The following ZNF385D variants were observed in gnomAD, a reference collection of about 807,000 sequenced individuals.
The protein encoded by ZNF385D is zinc finger protein 659.
In ZNF385D, 15 loss-of-function variants were observed where a neutral mutation model predicts 35.8. That is an observed-to-expected ratio of 0.42 (90% CI 0.28 to 0.64). The LOEUF is 0.64. Ranked by LOEUF, ZNF385D falls within the 30% of genes least tolerant of loss-of-function variation. The pLI is 0.23. For synonymous variants in ZNF385D, 212 were observed against 186.8 expected (o/e 1.13, Z -1.10); for missense variants, 474 against 494.6 (o/e 0.96, Z 0.39).
In ZNF385D at chr3:21,490,922, C is replaced by A. The variant is rs943477931; in HGVS notation, c.439+19939G>T. Among the ~76,000 whole-genome samples the A allele has an allele frequency of 2.5e-5, 3 of 122,120 alleles. No homozygotes were observed. In the Admixed American group the frequency reaches 2.8e-4, roughly 12 times the overall value. The allele number at this position is 122,120 out of a possible 152,430, so 80.1% of individuals were successfully genotyped here. A position where few individuals can be genotyped will look rare whatever the true frequency, so the allele number is the denominator to read the frequency against. On this transcript the variant is annotated intron_variant, in intron 4 of 7. Transcript: ENST00000281523. The stretch of plus-strand genomic sequence containing the variant: ...GCATCACTTCCACTCAGCTGGTCAT[C>A]GGCTGAATTTGTGACTCTCTAGATA...
rs115911369 is a variant in ZNF385D, at chr3:22,196,777, T to C, written c.107-27742A>G. On this transcript the variant is annotated intron_variant, in intron 2 of 5. Coordinates refer to the ZNF385D transcript ENST00000494108. ...TTGTCATTTTAAAGTTATTATTTTTTAGTTTTACTACACATTCACCATTTT... is the reference window on the plus strand; with the variant it reads ...TTGTCATTTTAAAGTTATTATTTTTCAGTTTTACTACACATTCACCATTTT... Among the ~76,000 whole-genome samples, 729 of 152,186 alleles carry C rather than the reference T, an allele frequency of 4.8e-3. 6 individuals carry two copies. Among genetic ancestry groups the C allele is most frequent in the African/African-American group, 0.016 (684 of 41,578 alleles).
At chr3:22,078,736 T>G (rs910197055) in intron 3 of ZNF385D, among the ~76,000 whole-genome samples, 1 of 152,114 alleles carries the variant, frequency 6.6e-6, no homozygotes, top group Non-Finnish European at 1.5e-5. Flanking sequence ...TATTGGCAAG[T>G]TGCAGAAGTA....
chr3:21,642,350 T>G (rs1296817772), intron 2 of ZNF385D, among the ~76,000 whole-genome samples: 1 of 152,032 alleles, frequency 6.6e-6, no homozygotes, highest in Non-Finnish European at 1.5e-5. Flanking sequence ...ACTCTTTGTG[T>G]GTCCAAGTCC....
chr3:22,247,664 C>G (rs1699858491), intron 2 of ZNF385D, among the ~76,000 whole-genome samples: 1 of 145,942 alleles, frequency 6.9e-6, no homozygotes, highest in African/African-American at 2.8e-5. Flanking sequence ...GTCTCTCTCT[C>G]TGTCACCCAG....
At chr3:21,457,497 A>T (rs769495097) in intron 4 of ZNF385D, among the ~76,000 whole-genome samples, 7 of 152,034 alleles carry the variant, frequency 4.6e-5, no homozygotes, top group Non-Finnish European at 8.8e-5. Flanking sequence ...CTGGGACTAC[A>T]GGGGCATGCC....
intron 1 of ZNF385D, among the ~76,000 whole-genome samples, chr3:21,704,144 T>C (rs6787257): frequency 0.41 from 62,391 of 152,082 alleles, 14,069 homozygotes; most frequent in Middle Eastern, 0.54. Context: ...TCTAGGGTTT[T>C]TGCTCCCATG....
intron 3 of ZNF385D, among the ~76,000 whole-genome samples, chr3:21,891,848 C>T (rs13315161): frequency 0.017 from 2,616 of 152,228 alleles, 78 homozygotes; most frequent in African/African-American, 0.058. Flanking sequence ...CTAATTCCCC[C>T]AATTCAATAA....
intron 3 of ZNF385D, among the ~76,000 whole-genome samples, chr3:21,997,862 C>CGTGT (rs762328963): frequency 2.2e-4 from 25 of 112,560 alleles, no homozygotes; most frequent in African/African-American, 7.1e-4. Flanking sequence ...ATTTGGCGCG[C>CGTGT]GCGCGCGCGC....
chr3:22,343,716 A>G lies in ZNF385D; in HGVS notation c.106+28734T>C, dbSNP rs181156353. Among the ~76,000 whole-genome samples, 434 of 152,352 alleles carry G rather than the reference A, an allele frequency of 2.8e-3. 3 individuals carry two copies. The highest frequency in any genetic ancestry group is 4.8e-3 in the Non-Finnish European group (325 of 68,026). ...AATTTCCATCCTGATTAAGCCTACTAAAGTCAGTTTTTAATGCTTGCATCT... is the reference window on the plus strand; with the variant it reads ...AATTTCCATCCTGATTAAGCCTACTGAAGTCAGTTTTTAATGCTTGCATCT... On this transcript the variant is annotated intron_variant, in intron 2 of 5. Transcript: ENST00000494108.
chr3:21,963,280 T>C (rs1702699752), intron 3 of ZNF385D, among the ~76,000 whole-genome samples: 1 of 152,128 alleles, frequency 6.6e-6, no homozygotes, highest in African/African-American at 2.4e-5. Flanking sequence ...GCATTGGGTC[T>C]ATGTGAGGGT....
intron 4 of ZNF385D, among the ~76,000 whole-genome samples, chr3:21,476,468 T>G (rs1704257942): frequency 6.6e-6 from 1 of 152,094 alleles, no homozygotes; most frequent in Admixed American, 6.6e-5. Flanking sequence ...TTTGATGATG[T>G]TGAGCTCAAT....
At position 22,079,125 on chromosome 3, in the gene ZNF385D, A is replaced by G. The variant is rs773032778; in HGVS notation, c.325+89692T>C. ...TTAAATAGGAATAAACAGAATGAGT[A>G]TAAGTGTCATGGATTACTGGTAACC... On this transcript the variant is annotated intron_variant, in intron 3 of 5. Coordinates refer to the ZNF385D transcript ENST00000494108. Among the ~76,000 whole-genome samples, 38 of 152,162 alleles carry G rather than the reference A, an allele frequency of 2.5e-4. 1 individual carries two copies. The highest frequency in any genetic ancestry group is 5.9e-4 in the Admixed American group (9 of 15,266).
chr3:21,785,812 C>T (rs1277328682), intron 3 of ZNF385D, among the ~76,000 whole-genome samples: 2 of 152,124 alleles, frequency 1.3e-5, no homozygotes, highest in African/African-American at 2.4e-5. Flanking sequence ...TGTTTCATGA[C>T]CCATGGAGAA....
intron 3 of ZNF385D, among the ~76,000 whole-genome samples, chr3:22,132,290 G>C (rs1312766721): frequency 6.6e-6 from 1 of 152,144 alleles, no homozygotes; most frequent in Non-Finnish European, 1.5e-5. Context: ...ACATGAAACA[G>C]TGCCATCTAT....
At chr3:21,455,278 G>A (rs1359087819) in intron 4 of ZNF385D, among the ~76,000 whole-genome samples, 1 of 152,170 alleles carries the variant, frequency 6.6e-6, no homozygotes, top group Non-Finnish European at 1.5e-5. Flanking sequence ...GCATCGCCAA[G>A]TCAATCCTAA....
intron 2 of ZNF385D, among the ~76,000 whole-genome samples, chr3:21,613,520 C>G (rs2064751581): frequency 6.6e-6 from 1 of 152,112 alleles, no homozygotes; most frequent in South Asian, 2.1e-4. Context: ...CACAGAAAAT[C>G]CTCCTCTGTG....
intron 3 of ZNF385D, among the ~76,000 whole-genome samples, chr3:22,083,229 G>GA (rs983225658): frequency 1.8e-4 from 27 of 152,346 alleles, no homozygotes; most frequent in African/African-American, 6.0e-4. Flanking sequence ...GACGGAGAAT[G>GA]ACTTTGATGA....
chr3:21,582,320 A>C (rs970116220), intron 2 of ZNF385D, among the ~76,000 whole-genome samples: 1 of 152,180 alleles, frequency 6.6e-6, no homozygotes, highest in Non-Finnish European at 1.5e-5. Context: ...ACAAAAACTG[A>C]TGGAGAAAAC....
chr3:21,444,851 C>G (rs955807390), intron 4 of ZNF385D, among the ~76,000 whole-genome samples: 1 of 152,110 alleles, frequency 6.6e-6, no homozygotes, highest in African/African-American at 2.4e-5. Context: ...TGGGGATAAA[C>G]AGATTACAGA....
Sources: gnomAD v4.1 joint callset for allele counts (sites outside exome capture counted in the v4.1 genomes callset) on GRCh38, gnomAD v4.1.1 for gene constraint, MANE v1.5 for transcripts, NCBI Gene and HGNC (gene_info 2026-07-23, HGNC 2026-07-21) for gene names.